RPA3: variants seen among roughly 807,000 people sequenced by gnomAD.
RPA3 encodes replication protein A3, also known as replication protein A 14 kDa subunit.
RPA3 carries 24 observed loss-of-function variants against 13.7 expected under a neutral mutation model. The observed-to-expected ratio is 1.75, with a 90% CI of 1.27 to 2.46. RPA3 has a LOEUF of 2.46. RPA3 is among the 30% of genes most tolerant of loss of function. RPA3 has a pLI of 0.00. For synonymous variants in RPA3, 59 were observed against 51.2 expected, an observed-to-expected ratio of 1.15 and a Z score of -0.65; for missense variants, 183 against 151.0, an observed-to-expected ratio of 1.21 and a Z score of -1.11.
At chr7:7,705,861 GTAA>G (rs1003645757) in intron 2 of RPA3, among the ~76,000 whole-genome samples, 4 of 152,126 alleles carry the variant, frequency 2.6e-5, no homozygotes, top group East Asian at 1.9e-4. Flanking sequence ...TGGGGAGGTT[GTAA>G]ATGGGGGAGG....
At chr7:7,647,688 GCCTTGAAC>G (rs1785127467) in intron 4 of RPA3, among the ~76,000 whole-genome samples, 1 of 152,182 alleles carries the variant, frequency 6.6e-6, no homozygotes, top group Non-Finnish European at 1.5e-5. Context: ...GTGCAATGCA[GCCTTGAAC>G]TCCTGAGCTC....
chr7:7,650,742 A>G (rs963261401), intron 4 of RPA3, among the ~76,000 whole-genome samples: 1 of 152,222 alleles, frequency 6.6e-6, no homozygotes, highest in African/African-American at 2.4e-5. Flanking sequence ...TGAACCCAGA[A>G]TGGTCCACCT....
intron 4 of RPA3, among the ~76,000 whole-genome samples, chr7:7,678,737 A>G (rs2011142930): frequency 1.6e-5 from 2 of 127,142 alleles, no homozygotes; most frequent in Admixed American, 8.1e-5. Context: ...ATATTTATAT[A>G]TTTAGTTTAT....
chr7:7,709,253 T>G (rs1780688240), intron 2 of RPA3, among the ~76,000 whole-genome samples: 1 of 152,226 alleles, frequency 6.6e-6, no homozygotes, highest in East Asian at 1.9e-4. Context: ...ATGGGGTTAC[T>G]TTTAATATGG....
intron 4 of RPA3, among the ~76,000 whole-genome samples, chr7:7,677,678 T>G (rs1188893481): frequency 2.2e-5 from 3 of 138,506 alleles, no homozygotes; most frequent in Admixed American, 7.1e-5. Flanking sequence ...TTTTTTTTTT[T>G]TTTTTTTTTT....
intron 2 of RPA3, among the ~76,000 whole-genome samples, chr7:7,710,999 A>T (rs1208443404): frequency 6.6e-6 from 1 of 152,196 alleles, no homozygotes; most frequent in Non-Finnish European, 1.5e-5. Flanking sequence ...AACTGTACAC[A>T]AAAAATAGAG....
chr7:7,701,634 G>A (rs1362062055), intron 2 of RPA3, among the ~76,000 whole-genome samples: 1 of 152,104 alleles, frequency 6.6e-6, no homozygotes, highest in Non-Finnish European at 1.5e-5. Flanking sequence ...TTGCTTATAA[G>A]GTCCTATATT....
intron 4 of RPA3, among the ~76,000 whole-genome samples, chr7:7,664,352 C>G (rs1779382652): frequency 6.6e-6 from 1 of 152,146 alleles, no homozygotes; most frequent in African/African-American, 2.4e-5. Flanking sequence ...CTCAGTCTCT[C>G]TAGCATGCTA....
chr7:7,681,942 A>T (rs1421392295), intron 4 of RPA3, among the ~76,000 whole-genome samples: 2 of 152,194 alleles, frequency 1.3e-5, no homozygotes, highest in Admixed American at 6.5e-5. Flanking sequence ...TTATAGCAAA[A>T]AGAAGGAAAA....
intron 4 of RPA3, among the ~76,000 whole-genome samples, chr7:7,650,020 G>A (rs1313106854): frequency 1.3e-5 from 2 of 152,206 alleles, no homozygotes; most frequent in Non-Finnish European, 2.9e-5. Context: ...CTGTTTATAA[G>A]TTACCTAATT....
rs769186563 is a variant in RPA3, at chr7:7,673,443, C to T, written c.-758+12387G>A. 3.1e-5 allele frequency: 28 copies of T among 896,814 alleles called. 1 individual carries two copies. The highest frequency in any genetic ancestry group is 3.1e-4 in the South Asian group (22 of 71,432). 55.6% of individuals were successfully genotyped at this position (896,814 alleles called of 1,614,324 possible). ...TACCAGAGACAGAAGCAGATGGATT[C>T]GTCCTTTTAGGTGAGTCTTTTTAAG... On this transcript the variant is annotated intron_variant, in intron 4 of 7. Coordinates refer to ENST00000223129, the MANE Select transcript of RPA3 (RefSeq NM_002947.5).
intron 4 of RPA3, among the ~76,000 whole-genome samples, chr7:7,656,295 T>G (rs1004026576): frequency 3.3e-5 from 5 of 152,138 alleles, no homozygotes; most frequent in African/African-American, 9.7e-5. Flanking sequence ...GTAAAGAACT[T>G]GTTCATGTAT....
At chr7:7,661,762 T>C (rs1180791877) in intron 4 of RPA3, among the ~76,000 whole-genome samples, 1 of 152,144 alleles carries the variant, frequency 6.6e-6, no homozygotes, top group Non-Finnish European at 1.5e-5. Flanking sequence ...GGGAGGTGTC[T>C]CCCAGTCAGG....
At chr7:7,717,243 G>T (rs1037989622) in intron 1 of RPA3, among the ~76,000 whole-genome samples, 1 of 151,948 alleles carries the variant, frequency 6.6e-6, no homozygotes. Flanking sequence ...TTTTGGTAGA[G>T]ACTGGGTTTC....
At chr7:7,639,494 G>A (rs1784918695) in intron 5 of RPA3, among the ~76,000 whole-genome samples, 1 of 152,096 alleles carries the variant, frequency 6.6e-6, no homozygotes. Context: ...TCCCACGGAG[G>A]GTATGTTTTA....
chr7:7,712,309 T>A (rs1444388167), intron 2 of RPA3, among the ~76,000 whole-genome samples: 1 of 152,126 alleles, frequency 6.6e-6, no homozygotes, highest in Non-Finnish European at 1.5e-5. Context: ...TAGGGGAGAA[T>A]TGCTATATTT....
chr7:7,654,741 A>G (rs909291285), intron 4 of RPA3, among the ~76,000 whole-genome samples: 3 of 151,820 alleles, frequency 2.0e-5, no homozygotes, highest in Non-Finnish European at 4.4e-5. Flanking sequence ...CATCTCTACT[A>G]AAAAATACAA....
In RPA3 at chr7:7,710,947, G is replaced by A. The variant is rs547012944; in HGVS notation, c.-1028+4228C>T. Among the ~76,000 whole-genome samples the A allele has an allele frequency of 5.3e-5, 8 of 152,252 alleles. No homozygotes were observed. In the East Asian group the frequency reaches 7.7e-4, roughly 15 times the overall value. Reference sequence around the variant, plus strand: ...AAAAGAGCCAATCCCTAAAGGTAACGTACTGTATGACTTCATTTATGTAGC... The same window carrying A: ...AAAAGAGCCAATCCCTAAAGGTAACATACTGTATGACTTCATTTATGTAGC... On this transcript the variant is annotated intron_variant, in intron 2 of 7. Coordinates refer to ENST00000223129, the MANE Select transcript of RPA3 (RefSeq NM_002947.5).
chr7:7,669,909 A>G (rs1156987450), intron 4 of RPA3, among the ~76,000 whole-genome samples: 3 of 151,876 alleles, frequency 2.0e-5, no homozygotes, highest in Non-Finnish European at 4.4e-5. Flanking sequence ...TGACTTTTGG[A>G]GCCTAAATTA....
Sources: allele counts gnomAD v4.1 joint callset (sites outside exome capture counted in the v4.1 genomes callset), GRCh38; gene constraint gnomAD v4.1.1; transcripts MANE v1.5; gene names NCBI Gene and HGNC (gene_info 2026-07-23, HGNC 2026-07-21).